DYNC2H1: variants seen among roughly 807,000 people sequenced by gnomAD.
DYNC2H1 encodes cytoplasmic dynein 2 heavy chain 1.
Under a neutral mutation model 570.0 loss-of-function variants are expected in DYNC2H1, and 410 were observed. The observed-to-expected ratio is 0.72, with a 90% CI of 0.66 to 0.78. The LOEUF (loss-of-function observed/expected upper bound fraction) is 0.78. DYNC2H1 is among the 30% of genes least tolerant of loss of function. The probability of loss-of-function intolerance (pLI) is 0.00; values close to 1 mark genes in which losing one functional copy is unlikely to be tolerated. For synonymous variants in DYNC2H1, 1,688 were observed against 1,677.6 expected (o/e 1.01, Z -0.15); for missense variants, 4,865 against 5,046.4 (o/e 0.96, Z 1.09).
intron 84 of DYNC2H1, among the ~76,000 whole-genome samples, chr11:103,424,541 C>T (rs1177318955): frequency 1.3e-5 from 2 of 151,958 alleles, no homozygotes; most frequent in East Asian, 3.9e-4. Flanking sequence ...TTTTAAGAGT[C>T]AAAAACTAGA....
chr11:103,369,830 T>C lies in DYNC2H1; in HGVS notation c.12156+11471T>C, dbSNP rs1442359191. ...AGCAGCAATACCCACGTGTACTACA[T>C]TGAGGGCCTTGGGTGAGGTTCTGAG... On this transcript the variant is annotated intron_variant, in intron 83 of 88. Coordinates refer to ENST00000375735, the MANE Select transcript of DYNC2H1 (RefSeq NM_001377.3). This position sits in a 1 kb window ranked among gnomAD's most constrained non-coding sequence, Gnocchi z 4.0. Among the ~76,000 whole-genome samples the C allele has an allele frequency of 2.0e-5, 3 of 152,132 alleles. No homozygotes were observed. The East Asian group carries it at 5.8e-4, about 29-fold the overall frequency.
At position 103,220,578 on chromosome 11, in the gene DYNC2H1, A is replaced by G. The variant is rs546958752; in HGVS notation, c.8947-45A>G. ...AATTTTTCAAGAGTTAATGATTTAAAGAAATATATAATTTGAAGATAAAAA... is the reference window on the plus strand; with the variant it reads ...AATTTTTCAAGAGTTAATGATTTAAGGAAATATATAATTTGAAGATAAAAA... On this transcript the variant is annotated intron_variant, in intron 56 of 88. Coordinates refer to ENST00000375735, the MANE Select transcript of DYNC2H1 (RefSeq NM_001377.3). 3.8e-5 allele frequency: 58 copies of G among 1,522,444 alleles called. No homozygotes were observed. The South Asian group carries it at 7.7e-4, about 20-fold the overall frequency. 94.3% of individuals were successfully genotyped at this position (1,522,444 alleles called of 1,614,324 possible).
chr11:103,442,293 A>C (rs1046292844), intron 85 of DYNC2H1, among the ~76,000 whole-genome samples: 1 of 152,278 alleles, frequency 6.6e-6, no homozygotes, highest in Non-Finnish European at 1.5e-5. Context: ...GGAGATAGAT[A>C]GCAAACAAAT....
In DYNC2H1 at chr11:103,170,889, A is replaced by G; in HGVS notation, c.5155A>G (p.Ile1719Val). The G allele has an allele frequency of 6.7e-7, 1 of 1,496,222 alleles. No individual in the cohort carries two copies. The allele number at this position is 1,496,222 out of a possible 1,614,324, so 92.7% of individuals were successfully genotyped here. The change falls in exon 34 of 89, where the codon ATC (isoleucine) becomes GTC (valine). Residue 1719 changes from isoleucine to valine, a missense_variant. By Grantham distance (29) the Ile-to-Val change is conservative (BLOSUM62 3). Coordinates refer to ENST00000375735, the MANE Select transcript of DYNC2H1 (RefSeq NM_001377.3). The surrounding 1 kb of genome is among the most constrained non-coding windows in gnomAD (Gnocchi z 4.8). ...AATTTTTATTGTTGTTTTTAAGGGC[A>G]TCGATGTGAAGTCAATGGGACGAAT... is the stretch of plus-strand genomic sequence containing the variant. The part of the protein sequence containing the change: ...QVLVFNCDEG[I>V]DVKSMGRIFV...
In DYNC2H1 at chr11:103,274,134, G is replaced by A. The variant is rs531621388; in HGVS notation, c.10696-6214G>A. Among the ~76,000 whole-genome samples the A allele has an allele frequency of 2.6e-3, 382 of 149,710 alleles. 7 individuals are homozygous for A. Among genetic ancestry groups the A allele is most frequent in the Non-Finnish European group, 5.0e-4 (34 of 67,368 alleles). ...TGTGTACATTTGTTTGTGTGTGTGTGTATATATATATATACACACACATAT... is the reference window on the plus strand; with the variant it reads ...TGTGTACATTTGTTTGTGTGTGTGTATATATATATATATACACACACATAT... On this transcript the variant is annotated intron_variant, in intron 70 of 88. Transcript: ENST00000375735.
chr11:103,421,955 A>G (rs1943504417), intron 84 of DYNC2H1, among the ~76,000 whole-genome samples: 2 of 152,088 alleles, frequency 1.3e-5, no homozygotes, highest in Admixed American at 6.6e-5. Context: ...AGAATAATAA[A>G]GAAGAAAAGA....
rs769738447 is a variant in DYNC2H1 at position 103,170,102 on chromosome 11, G to T, written c.4969-6G>T. ...AATACTCTGACTTTGTGTTGTTCTT[G>T]TATAGGGTAATGCTTCCAAACTGGT... On this transcript the variant is annotated splice_polypyrimidine_tract_variant and splice_region_variant and intron_variant, in intron 32 of 88. Coordinates refer to ENST00000375735, the MANE Select transcript of DYNC2H1 (RefSeq NM_001377.3). The surrounding 1 kb of genome is among the most constrained non-coding windows in gnomAD (Gnocchi z 4.8). 1.2e-5 allele frequency: 19 copies of T among 1,606,234 alleles called. No individual in the cohort carries two copies. The highest frequency in any genetic ancestry group is 2.3e-5 in the East Asian group (1 of 44,352).
intron 78 of DYNC2H1, among the ~76,000 whole-genome samples, chr11:103,310,258 T>C (rs957672014): frequency 2.0e-5 from 3 of 152,122 alleles, no homozygotes; most frequent in Non-Finnish European, 1.5e-5. Flanking sequence ...ATGCTGTCTT[T>C]AGATTTTTTC....
At chr11:103,155,057 G>T (rs1464866129) in intron 24 of DYNC2H1, among the ~76,000 whole-genome samples, 1 of 151,904 alleles carries the variant, frequency 6.6e-6, no homozygotes, top group African/African-American at 2.4e-5. Context: ...TCCATCATGG[G>T]TCCTATCCTA....
In DYNC2H1 at chr11:103,299,493, G is replaced by A. The variant is rs1866962543; in HGVS notation, c.11096-3600G>A. Among the ~76,000 whole-genome samples, 1 of 152,094 alleles carries A rather than the reference G, an allele frequency of 6.6e-6. No individual in the cohort carries two copies. Among genetic ancestry groups the A allele is most frequent in the Non-Finnish European group, 1.5e-5 (1 of 67,998 alleles). Reference sequence around the variant, plus strand: ...GGTTCAGCCCTATTCAGTTTTAGGAGTGAGGTCCCCATTTTCTTTCTGTCT... The same window carrying A: ...GGTTCAGCCCTATTCAGTTTTAGGAATGAGGTCCCCATTTTCTTTCTGTCT... On this transcript the variant is annotated intron_variant, in intron 75 of 88. Transcript: ENST00000375735. This position sits in a 1 kb window ranked among gnomAD's most constrained non-coding sequence, Gnocchi z 4.5.
At position 103,186,760 on chromosome 11, in the gene DYNC2H1, C is replaced by CAAA. The variant is rs200752422; in HGVS notation, c.6893+271_6893+273dup. The stretch of plus-strand genomic sequence containing the variant: ...AAAATTATCCGTCCATATAATACAG[C>CAAA]AAAAAAAAAAAAAAGAATGCCTTAT... On this transcript the variant is annotated intron_variant, in intron 42 of 88. Transcript: ENST00000375735. The surrounding 1 kb of genome is among the most constrained non-coding windows in gnomAD (Gnocchi z 4.5). 0.2 allele frequency among the ~76,000 whole-genome samples: 26,693 copies of CAAA among 135,890 alleles called. 2,887 individuals carry two copies. Among genetic ancestry groups the CAAA allele is most frequent in the East Asian group, 0.28 (1,318 of 4,712 alleles). 89.1% of individuals were successfully genotyped at this position (135,890 alleles called of 152,430 possible). A position where few individuals can be genotyped will look rare whatever the true frequency, so the allele number is the denominator to read the frequency against.
intron 70 of DYNC2H1, among the ~76,000 whole-genome samples, chr11:103,260,880 A>G (rs940969423): frequency 1.3e-5 from 2 of 151,844 alleles, no homozygotes; most frequent in African/African-American, 2.4e-5. Flanking sequence ...CAGCCTCCCA[A>G]AGTGCTGGGA....
chr11:103,154,892 C>G, intron 24 of DYNC2H1, 83 bp downstream of exon 24: 1 of 984,382 alleles, frequency 1.0e-6, no homozygotes, highest in Non-Finnish European at 1.4e-6. Flanking sequence ...TATAATTTTA[C>G]TTTATATGTT....
At chr11:103,406,284 A>C (rs1445468879) in intron 84 of DYNC2H1, 1 of 151,896 alleles carries the variant, frequency 6.6e-6, no homozygotes, top group Non-Finnish European at 1.5e-5. Flanking sequence ...GAGGAGGAGG[A>C]GTATGAGTTT....
rs768275630 is a variant in DYNC2H1, at chr11:103,241,358, A to G, written c.9820-2335A>G. On this transcript the variant is annotated intron_variant, in intron 63 of 88. Transcript: ENST00000375735. The surrounding 1 kb of genome is among the most constrained non-coding windows in gnomAD (Gnocchi z 5.1). ...TTGTAGAATTTAACTATATTTAATC[A>G]TGGAATACAGAGATAAAATGTACCA... Among the ~76,000 whole-genome samples, 2 of 152,204 alleles carry G rather than the reference A, an allele frequency of 1.3e-5. No homozygotes were observed. Among genetic ancestry groups the G allele is most frequent in the Non-Finnish European group, 2.9e-5 (2 of 68,032 alleles).
chr11:103,338,027 C>T (rs1260306789), intron 82 of DYNC2H1, among the ~76,000 whole-genome samples: 1 of 152,108 alleles, frequency 6.6e-6, no homozygotes, highest in Non-Finnish European at 1.5e-5. Flanking sequence ...ATATTTAAGT[C>T]TTTAATCCAT....
At chr11:103,156,279 TATGGTGAAAAGCCAGATAAAA>T in intron 25 of DYNC2H1, 88 bp from the exon 26 acceptor site, 1 of 1,161,814 alleles carries the variant, frequency 8.6e-7, no homozygotes, top group Non-Finnish European at 1.2e-6. Context: ...TTTTTTGCCT[TATGGTGAAAAGCCAGATAAAA>T]TATATTTTTC....
chr11:103,197,532 T>A (rs779292226), intron 47 of DYNC2H1, among the ~76,000 whole-genome samples: 17 of 152,052 alleles, frequency 1.1e-4, no homozygotes, highest in Non-Finnish European at 2.1e-4. Flanking sequence ...ACGGCAGCCT[T>A]AAACTCCTGG....
chr11:103,120,908 A>C lies in DYNC2H1; in HGVS notation c.1249-17A>C. ...GATCCGTTGGGATGAACATGTACTT[A>C]TTTTATTTTATATTAGCTTCTTCAA... On this transcript the variant is annotated splice_polypyrimidine_tract_variant and intron_variant, in intron 8 of 88. Transcript: ENST00000375735. 7.2e-7 allele frequency: 1 copy of C among 1,397,862 alleles called. No homozygotes were observed. Among genetic ancestry groups the C allele is most frequent in the Non-Finnish European group, 9.4e-7 (1 of 1,065,948 alleles). 86.6% of individuals were successfully genotyped at this position (1,397,862 alleles called of 1,614,324 possible). A position where few individuals can be genotyped will look rare whatever the true frequency, so the allele number is the denominator to read the frequency against.
Sources: allele counts gnomAD v4.1 joint callset (sites outside exome capture counted in the v4.1 genomes callset), GRCh38; gene constraint gnomAD v4.1.1; non-coding constraint Gnocchi (gnomAD v3.1); transcripts MANE v1.5; gene names NCBI Gene and HGNC (gene_info 2026-07-23, HGNC 2026-07-21).